MEGF11: variants seen among roughly 807,000 people sequenced by gnomAD.
MEGF11 encodes multiple epidermal growth factor-like domains protein 11.
Under a neutral mutation model 146.6 loss-of-function variants are expected in MEGF11, and 126 were observed. The ratio of observed to expected loss-of-function variants is 0.86; its 90% confidence interval spans 0.74 to 1.00. The LOEUF (loss-of-function observed/expected upper bound fraction) is 1.00. MEGF11 is among the 50% of genes least tolerant of loss of function. The pLI, the probability that MEGF11 is intolerant of heterozygous loss-of-function variation, is 0.00. For missense variants in MEGF11, 1,509 were observed against 1,521.2 expected (o/e 0.99, Z 0.13); for synonymous variants, 532 against 583.4 (o/e 0.91, Z 1.27).
chr15:66,044,997 G>A (rs866988082), intron 5 of MEGF11, among the ~76,000 whole-genome samples: 27 of 152,076 alleles, frequency 1.8e-4, no homozygotes, highest in Middle Eastern at 3.2e-3. Flanking sequence ...AGGACAGACT[G>A]GATTATGAAG....
At chr15:66,174,097 C>T (rs1019445583) in intron 1 of MEGF11, among the ~76,000 whole-genome samples, 2 of 152,226 alleles carry the variant, frequency 1.3e-5, no homozygotes, top group Non-Finnish European at 2.9e-5. Flanking sequence ...TTCATTCTGG[C>T]CTGGTCTCAA....
intron 1 of MEGF11, among the ~76,000 whole-genome samples, chr15:66,180,369 C>T (rs1420826696): frequency 2.0e-5 from 3 of 152,186 alleles, no homozygotes; most frequent in Admixed American, 6.5e-5. Flanking sequence ...CAAAGACCCT[C>T]CACGTCCCTT....
Position 66,095,036 on chromosome 15 carries a change from C to T in MEGF11, c.302-542G>A, listed in dbSNP as rs571709820. 3.0e-4 allele frequency among the ~76,000 whole-genome samples: 45 copies of T among 152,204 alleles called. No individual in the cohort carries two copies. The South Asian group carries it at 4.8e-3, about 16-fold the overall frequency. On this transcript the variant is annotated intron_variant, in intron 4 of 25. Transcript: ENST00000395614. ...AGCAAATCTGCAAAGTACACACATG[C>T]AGAGGAAAAAAGCAACAGCTAATTA...
chr15:66,094,394 A>T lies in MEGF11; in HGVS notation c.394+8T>A. 2 of 1,553,510 alleles carry T rather than the reference A, an allele frequency of 1.3e-6. No homozygotes were observed. The highest frequency in any genetic ancestry group is 2.7e-5 in the African/African-American group (2 of 73,298). On this transcript the variant is annotated splice_region_variant and intron_variant, in intron 5 of 25. Transcript: ENST00000395614. ...GGGTGCCTCCTGACCCCCAAACCCC[A>T]GACTCACCGCTGGAGCAGTCGGGCC... is the stretch of plus-strand genomic sequence containing the variant.
chr15:65,965,045 C>T lies in MEGF11; in HGVS notation c.975G>A (p.Gln325=), dbSNP rs2081013147. 2 of 1,590,150 alleles carry T rather than the reference C, an allele frequency of 1.3e-6. No homozygotes were observed. Among genetic ancestry groups the T allele is most frequent in the Admixed American group, 1.7e-5 (1 of 57,234 alleles). ...SQHCDCHNGG[Q]CSPTTGACEC... Reference sequence around the variant, plus strand: ...CGCAGGCACCCGTGGTGGGTGAACACTGCCCCCCATTGTGGCAGTCACAGT... The same window carrying T: ...CGCAGGCACCCGTGGTGGGTGAACATTGCCCCCCATTGTGGCAGTCACAGT... Residue 325 remains glutamine, a synonymous_variant, in exon 9 of 26, where the codon CAG becomes CAA. Transcript: ENST00000395614.
At chr15:66,126,959 C>T (rs901186307) in intron 2 of MEGF11, among the ~76,000 whole-genome samples, 2 of 152,186 alleles carry the variant, frequency 1.3e-5, no homozygotes, top group Non-Finnish European at 2.9e-5. Flanking sequence ...GTCTGATGTG[C>T]ACTAAGGTCC....
intron 13 of MEGF11, among the ~76,000 whole-genome samples, chr15:65,925,668 T>C (rs947585028): frequency 1.3e-5 from 2 of 152,166 alleles, no homozygotes; most frequent in African/African-American, 4.8e-5. Flanking sequence ...TTTCTTACTC[T>C]AGGGAACCCC....
intron 1 of MEGF11, among the ~76,000 whole-genome samples, chr15:66,246,317 C>G (rs2140255438): frequency 6.6e-6 from 1 of 152,054 alleles, no homozygotes; most frequent in South Asian, 2.1e-4. Flanking sequence ...GTATTGCAAG[C>G]AGAGTGTATG....
At chr15:65,969,622 T>C (rs2081234927) in intron 8 of MEGF11, among the ~76,000 whole-genome samples, 1 of 152,210 alleles carries the variant, frequency 6.6e-6, no homozygotes, top group Non-Finnish European at 1.5e-5. Context: ...GGAGCCCCGA[T>C]TATGTCTATT....
intron 5 of MEGF11, among the ~76,000 whole-genome samples, chr15:66,040,913 C>CTTT (rs11374661): frequency 6.9e-6 from 1 of 144,730 alleles, no homozygotes; most frequent in African/African-American, 2.5e-5. Context: ...GAGGAAGGGA[C>CTTT]TTTTTTTTTT....
chr15:66,123,351 A>G lies in MEGF11; in HGVS notation c.200+548T>C, dbSNP rs887350722. On this transcript the variant is annotated intron_variant, in intron 3 of 25. Coordinates refer to ENST00000395614, the MANE Select transcript of MEGF11 (RefSeq NM_001385028.1). ...TGTTCTTCAAGCCAGATGCCCTGATATGGGGCTACATCTGCTCAGGGCAGG... is the reference window on the plus strand; with the variant it reads ...TGTTCTTCAAGCCAGATGCCCTGATGTGGGGCTACATCTGCTCAGGGCAGG... 1.1e-3 allele frequency among the ~76,000 whole-genome samples: 172 copies of G among 152,174 alleles called. 2 individuals carry two copies. The highest frequency in any genetic ancestry group is 1.8e-4 in the Non-Finnish European group (12 of 68,026).
intron 10 of MEGF11, among the ~76,000 whole-genome samples, chr15:65,954,080 C>T (rs2080494762): frequency 2.0e-5 from 3 of 152,068 alleles, no homozygotes; most frequent in Non-Finnish European, 2.9e-5. Flanking sequence ...CTCCTCCCAT[C>T]GTTCAGATAG....
rs1346873533 is a variant in MEGF11, at chr15:66,141,275, TGTGTGTGTGTGTGTGAGA to T, written c.-8-12882_-8-12865del. Among the ~76,000 whole-genome samples, 388 of 130,360 alleles carry T rather than the reference TGTGTGTGTGTGTGTGAGA, an allele frequency of 3.0e-3. 3 individuals are homozygous for T. The highest frequency in any genetic ancestry group is 0.026 in the East Asian group (82 of 3,146). 85.5% of individuals were successfully genotyped at this position (130,360 alleles called of 152,430 possible). A position where few individuals can be genotyped will look rare whatever the true frequency, so the allele number is the denominator to read the frequency against. On this transcript the variant is annotated intron_variant, in intron 1 of 25. Coordinates refer to ENST00000395614, the MANE Select transcript of MEGF11 (RefSeq NM_001385028.1). ...GTGTGTGTGTGTGTGTGTGTGTGTG[TGTGTGTGTGTGTGTGAGA>T]GAGAGAGAGAGAGAGACAGGGATAG...
At chr15:65,999,865 A>G (rs2082307797) in intron 5 of MEGF11, among the ~76,000 whole-genome samples, 1 of 152,366 alleles carries the variant, frequency 6.6e-6, no homozygotes, top group African/African-American at 2.4e-5. Context: ...GTAGGTCATT[A>G]TCATCATCCA....
At chr15:66,144,265 A>C (rs1217236108) in intron 1 of MEGF11, among the ~76,000 whole-genome samples, 1 of 152,040 alleles carries the variant, frequency 6.6e-6, no homozygotes, top group Non-Finnish European at 1.5e-5. Context: ...GTTGTCCAAA[A>C]GCTCCCCCAG....
rs78562876 is a variant in MEGF11, at chr15:66,188,322, G to A, written c.-8-59911C>T. 2.4e-3 allele frequency among the ~76,000 whole-genome samples: 366 copies of A among 150,410 alleles called. 7 individuals are homozygous for A. In the East Asian group the frequency reaches 0.048, roughly 20 times the overall value. On this transcript the variant is annotated intron_variant, in intron 1 of 25. Coordinates refer to ENST00000395614, the MANE Select transcript of MEGF11 (RefSeq NM_001385028.1). ...TGTAACTTTCCTGTAAGTCTGAAAT[G>A]ATTTCCAAATAAAAATTGTTCAAAA...
chr15:66,075,463 G>A (rs776639608), intron 5 of MEGF11, among the ~76,000 whole-genome samples: 1 of 152,148 alleles, frequency 6.6e-6, no homozygotes, highest in Non-Finnish European at 1.5e-5. Flanking sequence ...ATGAGTTGAT[G>A]TAACTCAGAA....
chr15:66,206,818 G>A (rs761763711), intron 1 of MEGF11, among the ~76,000 whole-genome samples: 14 of 152,270 alleles, frequency 9.2e-5, no homozygotes, highest in Middle Eastern at 3.4e-3. Context: ...CAGGAGAATC[G>A]CTTGAATCCG....
chr15:66,192,609 G>A (rs1015707888), intron 1 of MEGF11, among the ~76,000 whole-genome samples: 6 of 152,096 alleles, frequency 3.9e-5, no homozygotes, highest in African/African-American at 1.4e-4. Flanking sequence ...GGTTCAGAAA[G>A]GCTACATAAT....
Sources: gnomAD v4.1 joint callset for allele counts (sites outside exome capture counted in the v4.1 genomes callset) on GRCh38, gnomAD v4.1.1 for gene constraint, MANE v1.5 for transcripts, NCBI Gene and HGNC (gene_info 2026-07-23, HGNC 2026-07-21) for gene names.